Variants in AOAH observed in about 807,000 individuals in gnomAD.
The protein encoded by AOAH is acyloxyacyl hydrolase, also known as acyloxyacyl hydrolase (neutrophil).
Under a neutral mutation model 92.2 loss-of-function variants are expected in AOAH, and 64 were observed. The ratio of observed to expected loss-of-function variants is 0.69; its 90% CI spans 0.57 to 0.86. The LOEUF is 0.86. AOAH is among the 40% of genes least tolerant of loss of function. The pLI is 0.00. For synonymous variants in AOAH, 263 were observed against 254.5 expected (o/e 1.03, Z -0.32); for missense variants, 656 against 694.6 (o/e 0.94, Z 0.62).
In AOAH at chr7:36,621,759, G is replaced by T. The variant is rs200865415; in HGVS notation, c.604C>A (p.Arg202=). ...VFPTLRGYHW[R]GRDCNDSDES... ...TCGCTGTCATTACAGTCTCTCCCCC[G>T]CCAGTGATAGCCCCGCAGTGTCTGA... is the stretch of plus-strand genomic sequence containing the variant. The change falls in exon 8 of 21, where the codon CGG becomes AGG. Residue 202 remains arginine (R), a synonymous_variant. Transcript: ENST00000617537. 6.2e-7 allele frequency: 1 copy of T among 1,613,928 alleles called. No individual in the cohort carries two copies. The highest frequency in any genetic ancestry group is 1.3e-5 in the African/African-American group (1 of 74,886).
At chr7:36,685,800 C>T (rs1796965082) in intron 2 of AOAH, among the ~76,000 whole-genome samples, 1 of 152,108 alleles carries the variant, frequency 6.6e-6, no homozygotes. Context: ...ACATTCTAAA[C>T]ACTTGTGTTT....
At chr7:36,689,513 T>C (rs867630469) in intron 1 of AOAH, among the ~76,000 whole-genome samples, 1 of 152,152 alleles carries the variant, frequency 6.6e-6, no homozygotes, top group Non-Finnish European at 1.5e-5. Flanking sequence ...TGCTGGAGCA[T>C]TGTGTCCTCC....
intron 13 of AOAH, among the ~76,000 whole-genome samples, chr7:36,554,478 G>A (rs1786534202): frequency 6.6e-6 from 1 of 152,148 alleles, no homozygotes; most frequent in Admixed American, 6.5e-5. Context: ...CTCTTTTTTG[G>A]TTCCATATGA....
chr7:36,607,243 AGCC>A (rs1391046506), intron 11 of AOAH, among the ~76,000 whole-genome samples: 2 of 152,240 alleles, frequency 1.3e-5, no homozygotes, highest in African/African-American at 4.8e-5. Context: ...AGTATCAACT[AGCC>A]TCATAGAAGG....
chr7:36,519,427 T>C (rs1583713633), intron 20 of AOAH, among the ~76,000 whole-genome samples: 1 of 152,206 alleles, frequency 6.6e-6, no homozygotes, highest in Admixed American at 6.5e-5. Context: ...TCACCTCCTC[T>C]GAAAACATTT....
At chr7:36,692,088 A>T (rs531814602) in intron 1 of AOAH, among the ~76,000 whole-genome samples, 1 of 152,230 alleles carries the variant, frequency 6.6e-6, no homozygotes, top group African/African-American at 2.4e-5. Context: ...TTGGGCTCAT[A>T]AATGATGGTT....
chr7:36,663,300 C>T (rs879433475), intron 3 of AOAH, among the ~76,000 whole-genome samples: 18 of 152,210 alleles, frequency 1.2e-4, no homozygotes, highest in Admixed American at 1.3e-4. Context: ...TTGATAAACC[C>T]GCATTGACAC....
intron 20 of AOAH, among the ~76,000 whole-genome samples, chr7:36,518,554 G>A (rs1783947487): frequency 6.6e-6 from 1 of 152,180 alleles, no homozygotes; most frequent in Non-Finnish European, 1.5e-5. Context: ...GGCAGCTCAG[G>A]AGGTCATCGG....
intron 12 of AOAH, among the ~76,000 whole-genome samples, 154 bp downstream of exon 12, chr7:36,594,185 A>G (rs757186926): frequency 1.3e-5 from 2 of 152,204 alleles, no homozygotes; most frequent in African/African-American, 4.8e-5. Flanking sequence ...TACAATTTGC[A>G]TTACATCCTA....
chr7:36,622,063 G>A (rs1175021772), intron 7 of AOAH, among the ~76,000 whole-genome samples: 1 of 152,122 alleles, frequency 6.6e-6, no homozygotes, highest in Non-Finnish European at 1.5e-5. Context: ...GTGCGTGCTT[G>A]TATGTGCATG....
intron 15 of AOAH, among the ~76,000 whole-genome samples, chr7:36,545,690 G>C (rs1225675012): frequency 6.6e-6 from 1 of 152,176 alleles, no homozygotes; most frequent in Non-Finnish European, 1.5e-5. Context: ...TTGTATGAAT[G>C]CCATCTGTCC....
Position 36,686,655 on chromosome 7 carries a change from G to C in AOAH, c.223+44C>G, listed in dbSNP as rs776886842. Reference sequence around the variant, plus strand: ...GGCAGTCATCATGACTCATGAGTGAGAGGACAAGCAGACCCTCAGCAGTAT... The same window carrying C: ...GGCAGTCATCATGACTCATGAGTGACAGGACAAGCAGACCCTCAGCAGTAT... On this transcript the variant is annotated intron_variant, in intron 2 of 20. Transcript: ENST00000617537. 8 of 1,199,244 alleles carry C rather than the reference G, an allele frequency of 6.7e-6. No homozygotes were observed. In the Admixed American group the frequency reaches 1.9e-4, roughly 28 times the overall value. The allele number at this position is 1,199,244 out of a possible 1,614,324, so 74.3% of individuals were successfully genotyped here. A position where few individuals can be genotyped will look rare whatever the true frequency, so the allele number is the denominator to read the frequency against.
chr7:36,552,273 TGTTA>T (rs1031477008), intron 13 of AOAH, among the ~76,000 whole-genome samples: 12 of 152,230 alleles, frequency 7.9e-5, no homozygotes, highest in African/African-American at 2.9e-4. Flanking sequence ...TCTGTTCCTG[TGTTA>T]GTTTGCTGAG....
chr7:36,611,908 C>G (rs565604585), intron 11 of AOAH, among the ~76,000 whole-genome samples: 1 of 152,196 alleles, frequency 6.6e-6, no homozygotes, highest in African/African-American at 2.4e-5. Flanking sequence ...TTCAGGATTA[C>G]GCTGACAGGC....
chr7:36,723,925 T>A (rs1799808955), intron 1 of AOAH, 97 bp downstream of exon 1: 3 of 1,386,692 alleles, frequency 2.2e-6, no homozygotes, highest in Non-Finnish European at 2.9e-6. Flanking sequence ...ATCTTACAAT[T>A]CTTGATTTAA....
chr7:36,528,486 C>T (rs1249159920), intron 19 of AOAH, among the ~76,000 whole-genome samples: 1 of 152,168 alleles, frequency 6.6e-6, no homozygotes, highest in Non-Finnish European at 1.5e-5. Context: ...GCTTTGTTGA[C>T]GATTATGTTC....
Position 36,632,085 on chromosome 7 carries a change from C to A in AOAH, c.472G>T (p.Asp158Tyr). ...PILKYSRSGSDICSLPVLAKI... is the reference protein window; with the variant it reads ...PILKYSRSGSYICSLPVLAKI... ...GCCAAAACCGGGAGTGAACAAATGT[C>A]AGAACCACTTCTAGAATATTTCTGG... The change falls in exon 6 of 21, where the codon GAC (aspartate) becomes TAC (tyrosine). Residue 158 changes from aspartate to tyrosine, a missense_variant. Coordinates refer to ENST00000617537, the MANE Select transcript of AOAH (RefSeq NM_001637.4). 1 of 1,611,108 alleles carries A rather than the reference C, an allele frequency of 6.2e-7. No individual in the cohort carries two copies. Among genetic ancestry groups the A allele is most frequent in the South Asian group, 1.1e-5 (1 of 90,538 alleles).
rs571227303 is a variant in AOAH, at chr7:36,549,747, G to C, written c.1022-272C>G. Among the ~76,000 whole-genome samples the C allele has an allele frequency of 2.0e-5, 3 of 152,084 alleles. No homozygotes were observed. The East Asian group carries it at 5.8e-4, about 29-fold the overall frequency. The stretch of plus-strand genomic sequence containing the variant: ...TCATGGGTCTTCAGACATTTCCTAA[G>C]CATAAATGAGTAAATCTTCTAGTAG... On this transcript the variant is annotated intron_variant, in intron 13 of 20. Transcript: ENST00000617537.
At chr7:36,688,560 G>A (rs529250156) in intron 1 of AOAH, among the ~76,000 whole-genome samples, 13 of 152,282 alleles carry the variant, frequency 8.5e-5, no homozygotes, top group South Asian at 6.2e-4. Context: ...GCAGTATGGT[G>A]TAGTTGAAGA....
Sources: gnomAD v4.1 joint callset for allele counts (sites outside exome capture counted in the v4.1 genomes callset) on GRCh38, gnomAD v4.1.1 for gene constraint, MANE v1.5 for transcripts, NCBI Gene and HGNC (gene_info 2026-07-23, HGNC 2026-07-21) for gene names.